CWF19L2: variants seen among roughly 807,000 people sequenced by gnomAD.
CWF19L2 encodes CWF19-like protein 2.
Under a neutral mutation model 111.7 loss-of-function variants are expected in CWF19L2, and 98 were observed. That is an observed-to-expected ratio of 0.88 (90% CI 0.75 to 1.04). The LOEUF (loss-of-function observed/expected upper bound fraction) is 1.04, where lower values mean the gene tolerates loss of function less well. Ranked by LOEUF, CWF19L2 falls within the 50% of genes least tolerant of loss-of-function variation. The probability of loss-of-function intolerance (pLI) is 0.00; values close to 1 mark genes in which losing one functional copy is unlikely to be tolerated. For synonymous variants in CWF19L2, 351 were observed against 342.9 expected (o/e 1.02, Z -0.26); for missense variants, 1,101 against 1,051.4 (o/e 1.05, Z -0.65).
chr11:107,354,748 A>T (rs780760935), intron 12 of CWF19L2, among the ~76,000 whole-genome samples: 3 of 152,174 alleles, frequency 2.0e-5, no homozygotes, highest in Non-Finnish European at 4.4e-5. Flanking sequence ...GCACATTTAC[A>T]CTTATTTATA....
intron 6 of CWF19L2, among the ~76,000 whole-genome samples, chr11:107,435,117 T>C (rs1300150914): frequency 6.6e-6 from 1 of 152,170 alleles, no homozygotes; most frequent in Non-Finnish European, 1.5e-5. Context: ...CATTCTCCCA[T>C]TCAGATCTCA....
At chr11:107,433,974 AAAAATAAAACTATAAG>A (rs924259040) in intron 6 of CWF19L2, among the ~76,000 whole-genome samples, 1 of 148,704 alleles carries the variant, frequency 6.7e-6, no homozygotes, top group Non-Finnish European at 1.5e-5. Flanking sequence ...GAAGGAAAAG[AAAAATAAAACTATAAG>A]AAAATTGCAA....
At chr11:107,332,722 A>G (rs932285288) in intron 16 of CWF19L2, among the ~76,000 whole-genome samples, 2 of 152,126 alleles carry the variant, frequency 1.3e-5, no homozygotes, top group East Asian at 1.9e-4. Context: ...AATTTTTGAA[A>G]AGATAATGGA....
intron 12 of CWF19L2, among the ~76,000 whole-genome samples, chr11:107,380,046 C>CCAAA (rs1860659782): frequency 2.9e-5 from 1 of 34,490 alleles, no homozygotes; most frequent in African/African-American, 1.1e-4. Context: ...GACACCGTCT[C>CCAAA]AAAAAAAAAA....
chr11:107,328,547 G>T (rs1304103653), intron 17 of CWF19L2, among the ~76,000 whole-genome samples: 1 of 152,076 alleles, frequency 6.6e-6, no homozygotes, highest in African/African-American at 2.4e-5. Context: ...CAAATTTTGA[G>T]GAAAATGGCT....
intron 14 of CWF19L2, among the ~76,000 whole-genome samples, chr11:107,338,389 CTTTTTTCTTT>C: frequency 6.6e-6 from 1 of 152,142 alleles, no homozygotes; most frequent in Non-Finnish European, 1.5e-5. Context: ...TTGAGGTAGG[CTTTTTTCTTT>C]TTTTTTCTTC....
At chr11:107,444,663 G>A (rs988601532) in intron 3 of CWF19L2, among the ~76,000 whole-genome samples, 1 of 152,232 alleles carries the variant, frequency 6.6e-6, no homozygotes, top group South Asian at 2.1e-4. Context: ...GTCTACTGCA[G>A]TTGGATGGCA....
chr11:107,416,258 T>C lies in CWF19L2; in HGVS notation c.1568A>G (p.Asn523Ser), dbSNP rs1261909569. ...CTGTGTTATAGTTTCTTTGAATTTATTTGCCTTTTCAAGTTGAACTTTAAG... is the reference window on the plus strand; with the variant it reads ...CTGTGTTATAGTTTCTTTGAATTTACTTGCCTTTTCAAGTTGAACTTTAAG... Reference protein sequence around the residue: ...EQLKVQLEKANKFKETITQIP... With the variant: ...EQLKVQLEKASKFKETITQIP... The change falls in exon 10 of 18, where the codon AAT becomes AGT. Residue 523 changes from asparagine (N) to serine (S), a missense_variant. Asn to Ser is a conservative substitution (Grantham distance 46, BLOSUM62 1). Coordinates refer to ENST00000282251, the MANE Select transcript of CWF19L2 (RefSeq NM_152434.3). 14 of 1,488,676 alleles carry C rather than the reference T, an allele frequency of 9.4e-6. No homozygotes were observed. The highest frequency in any genetic ancestry group is 1.7e-4 in the Middle Eastern group (1 of 5,738). 92.2% of individuals were successfully genotyped at this position (1,488,676 alleles called of 1,614,324 possible).
intron 12 of CWF19L2, among the ~76,000 whole-genome samples, chr11:107,386,609 T>C (rs1860769967): frequency 6.6e-6 from 1 of 152,112 alleles, no homozygotes; most frequent in Non-Finnish European, 1.5e-5. Flanking sequence ...CTCCTCCCTG[T>C]CTCCTGAAAC....
chr11:107,360,860 C>G (rs1456596890), intron 12 of CWF19L2, among the ~76,000 whole-genome samples: 1 of 152,152 alleles, frequency 6.6e-6, no homozygotes, highest in Non-Finnish European at 1.5e-5. Context: ...AATTGAGTTC[C>G]TTGTATATTC....
intron 13 of CWF19L2, among the ~76,000 whole-genome samples, chr11:107,350,770 T>C (rs1309284539): frequency 2.6e-5 from 4 of 152,150 alleles, no homozygotes; most frequent in Non-Finnish European, 5.9e-5. Context: ...GTATAGATAG[T>C]GTCTAGGGAG....
chr11:107,439,049 A>AAC (rs1565285314), intron 6 of CWF19L2, 41 bp downstream of exon 6: 1 of 953,844 alleles, frequency 1.0e-6, no homozygotes, highest in Non-Finnish European at 1.6e-6. Context: ...AAAAAAAAAA[A>AAC]AAAAAAACCC....
chr11:107,338,633 T>A (rs1565243339), intron 14 of CWF19L2, among the ~76,000 whole-genome samples: 2 of 152,126 alleles, frequency 1.3e-5, no homozygotes, highest in Non-Finnish European at 2.9e-5. Flanking sequence ...GGTGTTCTCA[T>A]CATTTAGCTC....
intron 12 of CWF19L2, among the ~76,000 whole-genome samples, chr11:107,388,492 C>T (rs1195897506): frequency 6.6e-6 from 1 of 152,110 alleles, no homozygotes; most frequent in African/African-American, 2.4e-5. Flanking sequence ...CAGGGATTCT[C>T]CTGCCTCAAC....
At chr11:107,407,964 C>A (rs11212208) in intron 10 of CWF19L2, among the ~76,000 whole-genome samples, 5,568 of 151,922 alleles carry the variant, frequency 0.037, 141 homozygotes, top group East Asian at 0.11. Flanking sequence ...TAGGATAATA[C>A]CATGCTAAAG....
chr11:107,401,235 G>C (rs1301818323), intron 10 of CWF19L2, among the ~76,000 whole-genome samples: 2 of 152,130 alleles, frequency 1.3e-5, no homozygotes, highest in Admixed American at 1.3e-4. Flanking sequence ...ACAAGAGAAA[G>C]AAACAAAGGG....
intron 10 of CWF19L2, among the ~76,000 whole-genome samples, chr11:107,412,332 G>A (rs7925025): frequency 0.037 from 5,584 of 152,162 alleles, 136 homozygotes; most frequent in East Asian, 0.11. Context: ...TTTACCCATA[G>A]GAGTTTTTTG....
At chr11:107,360,383 CCA>C (rs1860308244) in intron 12 of CWF19L2, among the ~76,000 whole-genome samples, 1 of 152,200 alleles carries the variant, frequency 6.6e-6, no homozygotes, top group Non-Finnish European at 1.5e-5. Context: ...ATCCAATCAT[CCA>C]CTGATAGACA....
intron 14 of CWF19L2, among the ~76,000 whole-genome samples, chr11:107,343,344 C>T (rs1432766363): frequency 4.0e-5 from 6 of 151,090 alleles, no homozygotes; most frequent in African/African-American, 1.5e-4. Context: ...GGTGGATTGA[C>T]CCTTTCATCA....
Sources: gnomAD v4.1 joint callset for allele counts (sites outside exome capture counted in the v4.1 genomes callset) on GRCh38, gnomAD v4.1.1 for gene constraint, MANE v1.5 for transcripts, NCBI Gene and HGNC (gene_info 2026-07-23, HGNC 2026-07-21) for gene names.